Variants in PLEKHG1 observed in about 807,000 individuals in gnomAD.
PLEKHG1 encodes pleckstrin homology and RhoGEF domain containing G1.
A neutral mutation model predicts 100.8 loss-of-function variants in PLEKHG1; 44 were observed. The observed-to-expected ratio is 0.44, with a 90% CI of 0.34 to 0.56. The LOEUF is 0.56. Ranked by LOEUF, PLEKHG1 falls within the 20% of genes least tolerant of loss-of-function variation. The pLI is 0.01. For missense variants in PLEKHG1, 1,545 were observed against 1,720.9 expected, an observed-to-expected ratio of 0.90 and a Z score of 1.81; for synonymous variants, 640 against 662.5, an observed-to-expected ratio of 0.97 and a Z score of 0.52.
upstream of PLEKHG1, among the ~76,000 whole-genome samples, chr6:150,718,232 T>C (rs1781514668): frequency 6.6e-6 from 1 of 152,196 alleles, no homozygotes; most frequent in South Asian, 2.1e-4. Context: ...TCATTTTCCC[T>C]GCATGAACAA....
chr6:150,701,417 TTA>T (rs56982419), intron 3 of PLEKHG1, among the ~76,000 whole-genome samples: 600 of 30,910 alleles, frequency 0.019, 1 homozygote, highest in Middle Eastern at 0.024. Context: ...CAGTAATTCT[TTA>T]TATATATATA....
chr6:150,624,045 G>C (rs985820619), intron 1 of PLEKHG1, among the ~76,000 whole-genome samples: 1 of 152,194 alleles, frequency 6.6e-6, no homozygotes, highest in African/African-American at 2.4e-5. Context: ...GAACCATAGC[G>C]ATGGCTAATT....
intron 1 of PLEKHG1, among the ~76,000 whole-genome samples, chr6:150,724,427 G>A (rs1287193072): frequency 6.6e-6 from 1 of 152,072 alleles, no homozygotes; most frequent in Admixed American, 6.6e-5. Flanking sequence ...ATGGTTCTGG[G>A]TGCCCCAAAT....
chr6:150,619,187 T>G (rs143630449), intron 1 of PLEKHG1, among the ~76,000 whole-genome samples: 1 of 151,924 alleles, frequency 6.6e-6, no homozygotes. Context: ...GAGATCCATT[T>G]GAGCTAGAGA....
At chr6:150,745,194 A>G (rs998273795) in intron 2 of PLEKHG1, among the ~76,000 whole-genome samples, 7 of 152,226 alleles carry the variant, frequency 4.6e-5, no homozygotes, top group African/African-American at 1.7e-4. Context: ...CTACAAACCT[A>G]TACAGCATCT....
chr6:150,640,988 G>A (rs1778231380), intron 2 of PLEKHG1, among the ~76,000 whole-genome samples: 1 of 152,108 alleles, frequency 6.6e-6, no homozygotes, highest in African/African-American at 2.4e-5. Context: ...CTAAATGTCA[G>A]TTTCATAGTG....
intron 3 of PLEKHG1, among the ~76,000 whole-genome samples, chr6:150,692,850 GGTGATTTCTCT>G (rs1460074005): frequency 6.6e-6 from 1 of 152,144 alleles, no homozygotes. Context: ...CGAGTGCATT[GGTGATTTCTCT>G]GTGTAGAAAA....
chr6:150,782,950 C>G (rs903030134), intron 3 of PLEKHG1, among the ~76,000 whole-genome samples: 1 of 151,982 alleles, frequency 6.6e-6, no homozygotes, highest in Admixed American at 6.6e-5. Context: ...AAAAAGGGAG[C>G]TCAGCAGAAA....
chr6:150,633,769 A>T (rs182955345), intron 1 of PLEKHG1, among the ~76,000 whole-genome samples: 2 of 152,136 alleles, frequency 1.3e-5, no homozygotes, highest in Non-Finnish European at 2.9e-5. Context: ...CTAAAGGGGA[A>T]GCTTGTTAGG....
At chr6:150,830,250 C>T (rs1175801801) in intron 14 of PLEKHG1, among the ~76,000 whole-genome samples, 1 of 152,196 alleles carries the variant, frequency 6.6e-6, no homozygotes, top group African/African-American at 2.4e-5. Context: ...AATGTCTGCA[C>T]ATTGCCCAGC....
intron 1 of PLEKHG1, among the ~76,000 whole-genome samples, chr6:150,610,303 T>C (rs1776769589): frequency 6.6e-6 from 1 of 152,196 alleles, no homozygotes; most frequent in African/African-American, 2.4e-5. Context: ...GGTTTCACCA[T>C]ATTGGCCAGG....
upstream of PLEKHG1, among the ~76,000 whole-genome samples, chr6:150,719,234 G>T (rs181546117): frequency 6.6e-6 from 1 of 152,070 alleles, no homozygotes; most frequent in East Asian, 1.9e-4. Context: ...CTTTGTTTAC[G>T]TTTAACATAC....
chr6:150,609,827 C>T (rs890112012), intron 1 of PLEKHG1, among the ~76,000 whole-genome samples: 1 of 152,008 alleles, frequency 6.6e-6, no homozygotes, highest in Admixed American at 6.6e-5. Flanking sequence ...GCATGTCGGC[C>T]AAGACAAGGC....
At chr6:150,628,576 A>ACACACACACT (rs1317085737) in intron 1 of PLEKHG1, among the ~76,000 whole-genome samples, 1 of 108,098 alleles carries the variant, frequency 9.3e-6, no homozygotes, top group African/African-American at 3.4e-5. Context: ...ACACACACAC[A>ACACACACACT]CCCCGTCCTT....
At chr6:150,777,888 G>A (rs930677078) in intron 3 of PLEKHG1, among the ~76,000 whole-genome samples, 13 of 152,384 alleles carry the variant, frequency 8.5e-5, no homozygotes, top group South Asian at 4.1e-4. Context: ...CTCCACCCCC[G>A]AGGCTGTAAC....
chr6:150,761,546 C>T (rs1052783175), intron 2 of PLEKHG1, among the ~76,000 whole-genome samples: 5 of 152,220 alleles, frequency 3.3e-5, no homozygotes, highest in Non-Finnish European at 5.9e-5. Flanking sequence ...CCACCTGTCT[C>T]GGCCTCCCAA....
chr6:150,660,180 G>T (rs12664595), intron 3 of PLEKHG1, among the ~76,000 whole-genome samples: 12,720 of 151,840 alleles, frequency 0.084, 611 homozygotes, highest in South Asian at 0.17. Flanking sequence ...AAAGTGCTGG[G>T]ATTACAGGCA....
At chr6:150,812,277 G>A (rs1323212839) in intron 10 of PLEKHG1, among the ~76,000 whole-genome samples, 3 of 152,154 alleles carry the variant, frequency 2.0e-5, no homozygotes, top group African/African-American at 7.2e-5. Context: ...GGTTTAATAA[G>A]ATGGCCCACA....
intron 3 of PLEKHG1, among the ~76,000 whole-genome samples, chr6:150,696,969 C>T (rs1483902653): frequency 2.0e-5 from 3 of 151,946 alleles, no homozygotes; most frequent in East Asian, 1.9e-4. Context: ...CAGTGGCATA[C>T]GCCTGTAGTC....
Sources: gnomAD v4.1 joint callset for allele counts (sites outside exome capture counted in the v4.1 genomes callset) on GRCh38, gnomAD v4.1.1 for gene constraint, MANE v1.5 for transcripts, NCBI Gene and HGNC (gene_info 2026-07-23, HGNC 2026-07-21) for gene names.